The following PRELID2 variants were observed in gnomAD, a reference collection of about 807,000 sequenced individuals.
The protein encoded by PRELID2 is PRELI domain containing 2, also known as PRELI domain-containing protein 2.
In PRELID2, 25 loss-of-function variants were observed where a neutral mutation model predicts 28.4. The observed-to-expected ratio is 0.88, with a 90% CI of 0.64 to 1.23. The LOEUF (loss-of-function observed/expected upper bound fraction) is 1.23, where lower values mean the gene tolerates loss of function less well. Ranked by LOEUF, PRELID2 falls within the 50% of genes most tolerant of loss-of-function variation. The probability of loss-of-function intolerance (pLI) is 0.00; values close to 1 mark genes in which losing one functional copy is unlikely to be tolerated. For synonymous variants in PRELID2, 76 were observed against 71.6 expected (o/e 1.06, Z -0.31); for missense variants, 201 against 214.4 (o/e 0.94, Z 0.39).
the PRELID2 span, among the ~76,000 whole-genome samples, chr5:145,240,792 A>T: frequency 1.3e-5 from 2 of 152,040 alleles, no homozygotes; most frequent in African/African-American, 4.8e-5. Context: ...TTATGATCTT[A>T]TAAGCTTAGA....
chr5:145,259,075 G>A, the PRELID2 span, among the ~76,000 whole-genome samples: 92 of 152,298 alleles, frequency 6.0e-4, no homozygotes, highest in African/African-American at 1.8e-3. Flanking sequence ...CAGCTTCCAC[G>A]TGGTATTAAG....
chr5:145,641,231 G>C (rs1489992180), intron 1 of PRELID2, among the ~76,000 whole-genome samples: 1 of 151,902 alleles, frequency 6.6e-6, no homozygotes, highest in Non-Finnish European at 1.5e-5. Context: ...CAATATGGAA[G>C]AAGATATTTG....
intron 4 of PRELID2, among the ~76,000 whole-genome samples, chr5:145,805,320 G>C (rs1753422363): frequency 6.6e-6 from 1 of 152,126 alleles, no homozygotes; most frequent in African/African-American, 2.4e-5. Flanking sequence ...TAGATAGCCA[G>C]AATATTAACT....
the PRELID2 span, among the ~76,000 whole-genome samples, chr5:145,302,086 T>G: frequency 1.3e-5 from 2 of 152,094 alleles, no homozygotes; most frequent in African/African-American, 2.4e-5. Context: ...TGGATATCTT[T>G]AAAATATTGA....
chr5:145,789,814 A>AT (rs1752245710), intron 5 of PRELID2, among the ~76,000 whole-genome samples: 1 of 152,218 alleles, frequency 6.6e-6, no homozygotes. Flanking sequence ...AAATAACCCA[A>AT]TTAAGAAATG....
the PRELID2 span, among the ~76,000 whole-genome samples, chr5:145,316,887 C>T: frequency 6.6e-6 from 1 of 152,146 alleles, no homozygotes; most frequent in Non-Finnish European, 1.5e-5. Flanking sequence ...ATCCTTTCTC[C>T]CTCGTTTACC....
intron 5 of PRELID2, among the ~76,000 whole-genome samples, chr5:145,766,116 T>C (rs1410978950): frequency 6.6e-6 from 1 of 152,094 alleles, no homozygotes; most frequent in Non-Finnish European, 1.5e-5. Context: ...AGGATAAACC[T>C]TCAAGTGGGA....
intron 1 of PRELID2, among the ~76,000 whole-genome samples, chr5:145,676,220 C>CAAAA (rs34833967): frequency 1.7e-4 from 9 of 53,544 alleles, no homozygotes; most frequent in East Asian, 5.4e-4. Context: ...AACTCCATCT[C>CAAAA]AAAAAAAAAA....
At chr5:145,500,567 T>G (rs1752351190) in intron 1 of PRELID2, among the ~76,000 whole-genome samples, 1 of 152,142 alleles carries the variant, frequency 6.6e-6, no homozygotes, top group Non-Finnish European at 1.5e-5. Context: ...TGAGCTGACA[T>G]TCATCAGCCC....
At chr5:145,420,323 A>G in the PRELID2 span, among the ~76,000 whole-genome samples, 2 of 147,340 alleles carry the variant, frequency 1.4e-5, no homozygotes, top group Non-Finnish European at 3.0e-5. Flanking sequence ...TCCCTTGGGC[A>G]GTATGGCCAT....
intron 1 of PRELID2, among the ~76,000 whole-genome samples, chr5:145,523,240 T>C (rs1177335783): frequency 6.6e-6 from 1 of 152,220 alleles, no homozygotes; most frequent in Non-Finnish European, 1.5e-5. Context: ...AGTCAAATCA[T>C]CATCTAACAG....
intron 1 of PRELID2, among the ~76,000 whole-genome samples, chr5:145,645,539 G>T (rs552848862): frequency 3.3e-5 from 5 of 151,832 alleles, no homozygotes; most frequent in Non-Finnish European, 5.9e-5. Context: ...TTACATTTAA[G>T]GTTAACATTG....
chr5:145,678,738 C>G (rs992117732), intron 1 of PRELID2, among the ~76,000 whole-genome samples: 2 of 152,000 alleles, frequency 1.3e-5, no homozygotes, highest in Non-Finnish European at 2.9e-5. Flanking sequence ...AACCTTACAC[C>G]GAGCCTTAAT....
intron 1 of PRELID2, among the ~76,000 whole-genome samples, chr5:145,496,056 A>G (rs1187796251): frequency 6.6e-6 from 1 of 152,214 alleles, no homozygotes; most frequent in East Asian, 1.9e-4. Context: ...GCTAAGAAAT[A>G]TTCTTTATTA....
At chr5:145,290,399 A>C in the PRELID2 span, among the ~76,000 whole-genome samples, 1 of 152,076 alleles carries the variant, frequency 6.6e-6, no homozygotes, top group South Asian at 2.1e-4. Flanking sequence ...GCACATATAC[A>C]CCATGGAATA....
At chr5:145,412,167 C>T in the PRELID2 span, among the ~76,000 whole-genome samples, 6 of 152,164 alleles carry the variant, frequency 3.9e-5, no homozygotes, top group Admixed American at 1.3e-4. Context: ...TTCCTCATTA[C>T]GTCCGCAACT....
intron 1 of PRELID2, among the ~76,000 whole-genome samples, chr5:145,659,575 G>C (rs1052177136): frequency 6.6e-6 from 1 of 152,176 alleles, no homozygotes; most frequent in African/African-American, 2.4e-5. Context: ...TCCTAGCTTA[G>C]AATGGGATGT....
chr5:145,395,474 G>A, the PRELID2 span, among the ~76,000 whole-genome samples: 2 of 152,042 alleles, frequency 1.3e-5, no homozygotes, highest in South Asian at 4.1e-4. Flanking sequence ...AAGGGTAGCC[G>A]GAAAAACAGT....
At chr5:145,734,421 A>G (rs1236011952) in intron 1 of PRELID2, among the ~76,000 whole-genome samples, 2 of 152,234 alleles carry the variant, frequency 1.3e-5, no homozygotes, top group South Asian at 2.1e-4. Context: ...CAGTTTACAT[A>G]ATAGGTGATT....
Sources: gnomAD v4.1 joint callset for allele counts (sites outside exome capture counted in the v4.1 genomes callset) on GRCh38, gnomAD v4.1.1 for gene constraint, MANE v1.5 for transcripts, NCBI Gene and HGNC (gene_info 2026-07-23, HGNC 2026-07-21) for gene names.